COL6A3: variants seen among roughly 807,000 people sequenced by gnomAD.
COL6A3 encodes the protein collagen alpha-3(VI) chain.
COL6A3 carries 137 observed loss-of-function variants against 274.1 expected under a neutral mutation model. The observed-to-expected ratio is 0.50, with a 90% CI of 0.44 to 0.58. The LOEUF is 0.58. COL6A3 is among the 20% of genes least tolerant of loss of function. COL6A3 has a pLI of 0.00. For missense variants in COL6A3, 3,950 were observed against 4,124.9 expected, an observed-to-expected ratio of 0.96 and a Z score of 1.16; for synonymous variants, 1,650 against 1,650.6, an observed-to-expected ratio of 1.00 and a Z score of 0.01.
At position 237,336,406 on chromosome 2, in the gene COL6A3, A is replaced by G. The variant is rs537384335; in HGVS notation, c.8694T>C (p.Thr2898=). The change falls in exon 40 of 44, where the codon ACT becomes ACC. Residue 2898 remains threonine (T), a synonymous_variant. Transcript: ENST00000295550. ...KPVTTTTKPV[T]IINQPSVKPA... ...GCTTCACAGATGGCTGATTTATAAT[A>G]GTCACAGGCTTTGTTGTGGTGGTTA... 8 of 1,614,220 alleles carry G rather than the reference A, an allele frequency of 5.0e-6. No individual in the cohort carries two copies. The highest frequency in any genetic ancestry group is 1.6e-4 in the Middle Eastern group (1 of 6,062).
At position 237,368,957 on chromosome 2, in the gene COL6A3, G is replaced by A; in HGVS notation, c.4506C>T (p.Ala1502=). 1 of 1,614,226 alleles carries A rather than the reference G, an allele frequency of 6.2e-7. No homozygotes were observed. The highest frequency in any genetic ancestry group is 8.5e-7 in the Non-Finnish European group (1 of 1,180,034). The change falls in exon 10 of 44, where the codon GCC becomes GCT. Residue 1502 remains alanine (A), a synonymous_variant. Coordinates refer to ENST00000295550, the MANE Select transcript of COL6A3 (RefSeq NM_004369.4). The surrounding 1 kb of genome is among the most constrained non-coding windows in gnomAD (Gnocchi z 4.4). ...CCCCTCTGAGCCTCAGGCGCCGTAT[G>A]GCGTCCAGCACCGGGGCCTGGGATC... ...TYRSQAPVLD[A]IRRLRLRGGS...
At chr2:237,392,663 G>T (rs893554838) in intron 3 of COL6A3, among the ~76,000 whole-genome samples, 2 of 152,208 alleles carry the variant, frequency 1.3e-5, no homozygotes, top group African/African-American at 4.8e-5. Flanking sequence ...TTGATTCAAA[G>T]AATTATCCAC....
At chr2:237,338,842 G>A in intron 39 of COL6A3, 173 bp downstream of exon 39, 1 of 598,196 alleles carries the variant, frequency 1.7e-6, no homozygotes, top group East Asian at 2.8e-5. Flanking sequence ...TTGTTACATG[G>A]CAAAAGCTAA....
rs1700542870 is a variant in COL6A3 at position 237,336,312 on chromosome 2, C to T, written c.8788G>A (p.Val2930Ile). 1.2e-6 allele frequency: 2 copies of T among 1,613,418 alleles called. No individual in the cohort carries two copies. The highest frequency in any genetic ancestry group is 2.7e-5 in the African/African-American group (2 of 75,044). The part of the protein sequence containing the change: ...AKPVATKMAT[V>I]RPPVAVKPAT... Reference sequence around the variant, plus strand: ...GGCTTCACCGCCACTGGGGGTCTAACAGTGGCCATCTTTGTGGCCACAGGC... The same window carrying T: ...GGCTTCACCGCCACTGGGGGTCTAATAGTGGCCATCTTTGTGGCCACAGGC... Residue 2930 changes from valine to isoleucine, a missense_variant, in exon 40 of 44, where the codon GTT (valine) becomes ATT (isoleucine). By Grantham distance (29) the Val-to-Ile change is conservative. Transcript: ENST00000295550.
chr2:237,372,254 T>A lies in COL6A3; in HGVS notation c.3763A>T (p.Ile1255Leu). The change falls in exon 9 of 44, where the codon ATA (isoleucine) becomes TTA (leucine). Residue 1255 changes from isoleucine (I) to leucine (L), a missense_variant. Physicochemically the swap from Ile to Leu is conservative, Grantham distance 5 (BLOSUM62 2). Transcript: ENST00000295550. Reference sequence around the variant, plus strand: ...TCCAGGTAGTCAACCAGCCTCTCTATGAGGGTGCGAACGTACTGGAACTCA... The same window carrying A: ...TCCAGGTAGTCAACCAGCCTCTCTAAGAGGGTGCGAACGTACTGGAACTCA... Reference protein sequence around the residue: ...GPEFQYVRTLIERLVDYLDVG... With the variant: ...GPEFQYVRTLLERLVDYLDVG... The A allele has an allele frequency of 6.2e-7, 1 of 1,613,860 alleles. No individual in the cohort carries two copies. The highest frequency in any genetic ancestry group is 8.5e-7 in the Non-Finnish European group (1 of 1,179,992).
At chr2:237,369,275 G>T in intron 9 of COL6A3, 98 bp from the exon 10 acceptor site, 2 of 1,491,990 alleles carry the variant, frequency 1.3e-6, no homozygotes, top group African/African-American at 2.8e-5. Context: ...TCAACCTTAA[G>T]ATTATATCCC....
chr2:237,351,906 C>A (rs1178173034), intron 26 of COL6A3, among the ~76,000 whole-genome samples: 2 of 152,200 alleles, frequency 1.3e-5, no homozygotes, highest in Admixed American at 6.5e-5. Context: ...GAGCTCGTTA[C>A]CAGTTTATTA....
At position 237,368,818 on chromosome 2, in the gene COL6A3, C is replaced by A; in HGVS notation, c.4645G>T (p.Gly1549Cys). ...GACACATCGTCCTGGGATTTTCCAC[C>A]CAGGACCAGGACCAGGTGTTGGGGC... ...GVPQHLVLVL[G>C]GKSQDDVSRF... The change falls in exon 10 of 44, where the codon GGT (glycine) becomes TGT (cysteine). Residue 1549 changes from glycine to cysteine, a missense_variant. Gly to Cys is a radical substitution (Grantham distance 159, BLOSUM62 -3). This residue lies in a region of COL6A3 where 8 missense variants were observed against 24.0 expected (regional missense o/e 0.33). Coordinates refer to ENST00000295550, the MANE Select transcript of COL6A3 (RefSeq NM_004369.4). The surrounding 1 kb of genome is among the most constrained non-coding windows in gnomAD (Gnocchi z 4.4). The A allele has an allele frequency of 6.2e-7, 1 of 1,614,146 alleles. No homozygotes were observed. The highest frequency in any genetic ancestry group is 8.5e-7 in the Non-Finnish European group (1 of 1,180,032).
chr2:237,375,130 G>A (rs557692101), intron 7 of COL6A3, 110 bp from the exon 8 acceptor site: 20 of 1,510,956 alleles, frequency 1.3e-5, no homozygotes, highest in African/African-American at 5.5e-5. Flanking sequence ...CCAAATCCCC[G>A]AACTTGAGAA....
At chr2:237,342,010 T>C in intron 37 of COL6A3, 55 bp downstream of exon 37, 1 of 1,370,272 alleles carries the variant, frequency 7.3e-7, no homozygotes, top group Non-Finnish European at 1.0e-6. Flanking sequence ...CTCCCATGGA[T>C]ATTATGTTTT....
At chr2:237,339,993 T>A (rs1358681721) in intron 38 of COL6A3, among the ~76,000 whole-genome samples, 1 of 152,144 alleles carries the variant, frequency 6.6e-6, no homozygotes, top group Admixed American at 6.5e-5. Context: ...GGGAGCCCCA[T>A]GAGCAAAGAC....
chr2:237,384,306 T>C (rs2078088493), intron 4 of COL6A3, among the ~76,000 whole-genome samples: 1 of 151,912 alleles, frequency 6.6e-6, no homozygotes, highest in South Asian at 2.1e-4. Flanking sequence ...AACACAGCTG[T>C]CTTATCTCTT....
At chr2:237,330,200 G>GCTT (rs1286296422) in intron 42 of COL6A3, 1 of 152,152 alleles carries the variant, frequency 6.6e-6, no homozygotes, top group Non-Finnish European at 1.5e-5. Context: ...TCTATCCAAA[G>GCTT]CTTCCTTAGC....
chr2:237,406,372 A>G (rs1322515045), intron 1 of COL6A3, among the ~76,000 whole-genome samples: 3 of 152,182 alleles, frequency 2.0e-5, no homozygotes, highest in Non-Finnish European at 4.4e-5. Flanking sequence ...TTTTGAAGTC[A>G]TTTATTTGGT....
intron 7 of COL6A3, 41 bp downstream of exon 7, chr2:237,376,731 G>C (rs759322539): frequency 1.3e-6 from 2 of 1,599,252 alleles, no homozygotes; most frequent in African/African-American, 2.7e-5. Context: ...TCATGCATTA[G>C]AGAACTGAGT....
rs191745328 is a variant in COL6A3 at position 237,376,697 on chromosome 2, A to T, written c.3070+75T>A. On this transcript the variant is annotated intron_variant, in intron 7 of 43. Transcript: ENST00000295550. ...CAAGGAGGGCTTCTATCTAAGGACC[A>T]GTGGCCAGCAGCCTACCCTCAACTC... is the stretch of plus-strand genomic sequence containing the variant. The T allele has an allele frequency of 2.8e-5, 41 of 1,439,132 alleles. No individual in the cohort carries two copies. In the African/African-American group the frequency reaches 3.6e-4, roughly 13 times the overall value. The allele number at this position is 1,439,132 out of a possible 1,614,324, so 89.1% of individuals were successfully genotyped here. A position where few individuals can be genotyped will look rare whatever the true frequency, so the allele number is the denominator to read the frequency against.
At chr2:237,355,244 C>A (rs930029376) in intron 23 of COL6A3, 2 of 356,270 alleles carry the variant, frequency 5.6e-6, no homozygotes, top group South Asian at 1.6e-4. Context: ...TTTGGCTGCA[C>A]GATCCCAGCC....
Position 237,371,722 on chromosome 2 carries a change from C to G in COL6A3, c.4285+10G>C, listed in dbSNP as rs1230026131. The G allele has an allele frequency of 2.5e-6, 4 of 1,580,554 alleles. No individual in the cohort carries two copies. The highest frequency in any genetic ancestry group is 1.1e-5 in the South Asian group (1 of 87,854). ...TGCTCCAAGGAGAACCTCCGACGCC[C>G]CCATCTCACCTGGAGGTGGATAGCG... is the stretch of plus-strand genomic sequence containing the variant. On this transcript the variant is annotated intron_variant, in intron 9 of 43. Coordinates refer to ENST00000295550, the MANE Select transcript of COL6A3 (RefSeq NM_004369.4). This position sits in a 1 kb window ranked among gnomAD's most constrained non-coding sequence, Gnocchi z 4.3.
At chr2:237,365,557 A>T in intron 12 of COL6A3, 141 bp downstream of exon 12, 1 of 782,576 alleles carries the variant, frequency 1.3e-6, no homozygotes, top group Non-Finnish European at 2.2e-6. Context: ...TAGATCAGTT[A>T]ATAACTAAGG....
Sources: gnomAD v4.1 joint callset for allele counts (sites outside exome capture counted in the v4.1 genomes callset) on GRCh38, gnomAD v4.1.1 for gene constraint, gnomAD v4.1.1 regional missense constraint, Gnocchi (gnomAD v3.1) non-coding constraint, MANE v1.5 for transcripts, NCBI Gene and HGNC (gene_info 2026-07-23, HGNC 2026-07-21) for gene names.